The following ILRUN variants were observed in gnomAD, a reference collection of about 807,000 sequenced individuals.
The protein encoded by ILRUN is inflammation and lipid regulator with UBA-like and NBR1-like domains, also known as protein ILRUN.
In ILRUN, 3 loss-of-function variants were observed where a neutral mutation model predicts 33.8. That is an observed-to-expected ratio of 0.09 (90% CI 0.04 to 0.23). The LOEUF (loss-of-function observed/expected upper bound fraction) is 0.23, where lower values mean the gene tolerates loss of function less well. Ranked by LOEUF, ILRUN falls within the 10% of genes least tolerant of loss-of-function variation. The pLI is 1.00. For missense variants in ILRUN, 210 were observed against 375.1 expected, an observed-to-expected ratio of 0.56 and a Z score of 3.64; for synonymous variants, 124 against 138.9, an observed-to-expected ratio of 0.89 and a Z score of 0.75.
rs759168928 is a variant in ILRUN, at chr6:34,592,390, C to T, written c.862-1790G>A. On this transcript the variant is annotated intron_variant, in intron 4 of 4. Coordinates refer to ENST00000374023, the MANE Select transcript of ILRUN (RefSeq NM_024294.4). The surrounding 1 kb of genome is among the most constrained non-coding windows in gnomAD (Gnocchi z 4.0). The stretch of plus-strand genomic sequence containing the variant: ...CCAAAATGCCACATGGCTGTCAGCC[C>T]GAGCCAACCACGCCTCTAGCAGACG... Among the ~76,000 whole-genome samples, 3 of 152,186 alleles carry T rather than the reference C, an allele frequency of 2.0e-5. No homozygotes were observed. The highest frequency in any genetic ancestry group is 4.4e-5 in the Non-Finnish European group (3 of 68,034).
chr6:34,604,070 G>T lies in ILRUN; in HGVS notation c.861+2485C>A, dbSNP rs914050279. On this transcript the variant is annotated intron_variant, in intron 4 of 4. Transcript: ENST00000374023. Reference sequence around the variant, plus strand: ...GGCATCTAAGTTTCACATTTTCAACGCATTATAGTCAACAGTCTATCTCTA... The same window carrying T: ...GGCATCTAAGTTTCACATTTTCAACTCATTATAGTCAACAGTCTATCTCTA... Among the ~76,000 whole-genome samples the T allele has an allele frequency of 8.5e-5, 13 of 152,140 alleles. 1 individual carries two copies. Among genetic ancestry groups the T allele is most frequent in the African/African-American group, 3.1e-4 (13 of 41,424 alleles).
In ILRUN at chr6:34,624,660, A is replaced by G. The variant is rs182443884; in HGVS notation, c.512-17756T>C. Among the ~76,000 whole-genome samples the G allele has an allele frequency of 2.0e-3, 304 of 152,322 alleles. 11 individuals are homozygous for G. The highest frequency in any genetic ancestry group is 0.02 in the Admixed American group (302 of 15,298). ...CCTAATTCAACTTTAAATTCCAAACATTTAAAAACAACAACCACCCATTCC... is the reference window on the plus strand; with the variant it reads ...CCTAATTCAACTTTAAATTCCAAACGTTTAAAAACAACAACCACCCATTCC... On this transcript the variant is annotated intron_variant, in intron 3 of 4. Coordinates refer to ENST00000374023, the MANE Select transcript of ILRUN (RefSeq NM_024294.4).
chr6:34,601,594 A>G (rs1489097576), intron 4 of ILRUN, among the ~76,000 whole-genome samples: 1 of 152,034 alleles, frequency 6.6e-6, no homozygotes, highest in Non-Finnish European at 1.5e-5. Flanking sequence ...TTCCCTTATT[A>G]TTATGTTAAA....
intron 4 of ILRUN, chr6:34,595,916 C>T (rs1040741401): frequency 1.5e-5 from 15 of 985,368 alleles, no homozygotes; most frequent in African/African-American, 1.7e-5. Context: ...GTGCTTCTTC[C>T]GCCTAGTGCT....
chr6:34,638,005 G>C (rs1426254857), intron 3 of ILRUN, among the ~76,000 whole-genome samples: 1 of 151,900 alleles, frequency 6.6e-6, no homozygotes, highest in Admixed American at 6.6e-5. Flanking sequence ...TCCCACCTCA[G>C]CCTCCCAAGT....
At chr6:34,605,630 G>A (rs932235156) in intron 4 of ILRUN, among the ~76,000 whole-genome samples, 1 of 151,926 alleles carries the variant, frequency 6.6e-6, no homozygotes, top group Non-Finnish European at 1.5e-5. Context: ...CTCCATCTTG[G>A]AACAAATAAA....
rs143686932 is a variant in ILRUN at position 34,613,162 on chromosome 6, C to T, written c.512-6258G>A. Among the ~76,000 whole-genome samples the T allele has an allele frequency of 4.3e-3, 648 of 152,046 alleles. 5 individuals are homozygous for T. Among genetic ancestry groups the T allele is most frequent in the African/African-American group, 0.015 (603 of 41,444 alleles). ...AGAGGAGGTGGAGGTTGCAGTGAGC[C>T]GAGATCGCATCACTGCACTCTGGCC... On this transcript the variant is annotated intron_variant, in intron 3 of 4. Coordinates refer to ENST00000374023, the MANE Select transcript of ILRUN (RefSeq NM_024294.4).
At chr6:34,607,365 G>T (rs1761656020) in intron 3 of ILRUN, among the ~76,000 whole-genome samples, 1 of 152,092 alleles carries the variant, frequency 6.6e-6, no homozygotes, top group African/African-American at 2.4e-5. Flanking sequence ...ACCATATGTT[G>T]TCCAAACTAG....
intron 3 of ILRUN, among the ~76,000 whole-genome samples, chr6:34,619,491 G>A (rs958106415): frequency 2.0e-5 from 3 of 151,972 alleles, no homozygotes; most frequent in African/African-American, 4.8e-5. Context: ...GAGTAGCTGG[G>A]ACTACACGCA....
intron 2 of ILRUN, among the ~76,000 whole-genome samples, 196 bp downstream of exon 2, chr6:34,654,429 T>A (rs1762730961): frequency 6.6e-6 from 1 of 152,218 alleles, no homozygotes; most frequent in South Asian, 2.1e-4. Context: ...AGACATAAAT[T>A]CTTCTTCCTA....
intron 1 of ILRUN, among the ~76,000 whole-genome samples, chr6:34,663,196 A>T (rs996596586): frequency 6.6e-6 from 1 of 152,198 alleles, no homozygotes; most frequent in African/African-American, 2.4e-5. Context: ...CTGAGGCAAG[A>T]GGAGTACTTA....
At chr6:34,671,526 A>G (rs1763118173) in intron 1 of ILRUN, among the ~76,000 whole-genome samples, 1 of 152,274 alleles carries the variant, frequency 6.6e-6, no homozygotes, top group Admixed American at 6.5e-5. Flanking sequence ...ATATGTGGCA[A>G]TAACAGTTAG....
chr6:34,627,853 A>G (rs1401678011), intron 3 of ILRUN, among the ~76,000 whole-genome samples: 5 of 151,774 alleles, frequency 3.3e-5, no homozygotes, highest in African/African-American at 1.2e-4. Flanking sequence ...ACAGACATGC[A>G]CCACCATACC....
At chr6:34,612,528 T>G (rs182612550) in intron 3 of ILRUN, among the ~76,000 whole-genome samples, 25 of 152,356 alleles carry the variant, frequency 1.6e-4, no homozygotes, top group African/African-American at 5.5e-4. Flanking sequence ...ACCTCATTAT[T>G]ATAGTATAAA....
chr6:34,673,599 C>T (rs550878521), intron 1 of ILRUN, among the ~76,000 whole-genome samples: 2 of 152,236 alleles, frequency 1.3e-5, no homozygotes, highest in South Asian at 4.1e-4. Context: ...TGACACATGC[C>T]TGTAATGCCA....
chr6:34,638,343 C>A (rs1762407727), intron 3 of ILRUN, among the ~76,000 whole-genome samples: 1 of 152,184 alleles, frequency 6.6e-6, no homozygotes. Flanking sequence ...AATTTCAGAT[C>A]TCATTTACAT....
intron 1 of ILRUN, among the ~76,000 whole-genome samples, chr6:34,695,601 C>T (rs1763750138): frequency 6.6e-6 from 1 of 152,222 alleles, no homozygotes; most frequent in Admixed American, 6.5e-5. Flanking sequence ...GTCAACTTAG[C>T]TTTCTTTCAG....
At chr6:34,677,728 T>C (rs946087382) in intron 1 of ILRUN, among the ~76,000 whole-genome samples, 1 of 151,998 alleles carries the variant, frequency 6.6e-6, no homozygotes, top group Middle Eastern at 3.2e-3. Flanking sequence ...GTGGGAAGAT[T>C]GCTTGCACCC....
intron 2 of ILRUN, among the ~76,000 whole-genome samples, chr6:34,647,094 T>A (rs1255152692): frequency 6.6e-6 from 1 of 152,132 alleles, no homozygotes; most frequent in Non-Finnish European, 1.5e-5. Flanking sequence ...ACACTGAATC[T>A]GTAGAACCTA....
Sources: allele counts gnomAD v4.1 joint callset (sites outside exome capture counted in the v4.1 genomes callset), GRCh38; gene constraint gnomAD v4.1.1; non-coding constraint Gnocchi (gnomAD v3.1); transcripts MANE v1.5; gene names NCBI Gene and HGNC (gene_info 2026-07-23, HGNC 2026-07-21).